The following SLC24A2 variants were observed in gnomAD, a reference collection of about 807,000 sequenced individuals.
SLC24A2 encodes sodium/potassium/calcium exchanger 2.
A neutral mutation model predicts 62.0 loss-of-function variants in SLC24A2; 36 were observed. The observed-to-expected ratio is 0.58, with a 90% CI of 0.44 to 0.77. The LOEUF is 0.77. Among genes scored for constraint, SLC24A2 ranks in the 30% least tolerant of loss-of-function variants. SLC24A2 has a pLI of 0.00. For missense variants in SLC24A2, 846 were observed against 817.9 expected (o/e 1.03, Z -0.42); for synonymous variants, 358 against 294.0 (o/e 1.22, Z -2.23).
chr9:19,959,315 TTCAA>T, the SLC24A2 span, among the ~76,000 whole-genome samples: 2 of 152,178 alleles, frequency 1.3e-5, no homozygotes, highest in Non-Finnish European at 2.9e-5. Context: ...TTCAATCAGA[TTCAA>T]TCAATCAGAT....
the SLC24A2 span, among the ~76,000 whole-genome samples, chr9:19,903,626 G>A: frequency 1.3e-5 from 2 of 152,168 alleles, no homozygotes; most frequent in Admixed American, 1.3e-4. Context: ...AGCACTTTAT[G>A]ATCCTCAGTT....
chr9:20,231,052 C>G, the SLC24A2 span, among the ~76,000 whole-genome samples: 21,648 of 151,450 alleles, frequency 0.14, 1,749 homozygotes, highest in East Asian at 0.22. Flanking sequence ...GTAGATATGC[C>G]GCATTATTTC....
the SLC24A2 span, among the ~76,000 whole-genome samples, chr9:19,906,977 G>T: frequency 2.0e-5 from 3 of 152,280 alleles, no homozygotes; most frequent in East Asian, 3.9e-4. Context: ...CTCATTTTAT[G>T]AGGCCAGCAT....
chr9:19,593,691 A>G (rs927094582), intron 5 of SLC24A2, among the ~76,000 whole-genome samples: 2 of 152,106 alleles, frequency 1.3e-5, no homozygotes, highest in African/African-American at 4.8e-5. Context: ...GCTGTAGCCA[A>G]TTCCATCTGC....
intron 7 of SLC24A2, among the ~76,000 whole-genome samples, chr9:19,571,310 T>A (rs1032328426): frequency 1.3e-5 from 2 of 152,216 alleles, no homozygotes; most frequent in Non-Finnish European, 2.9e-5. Context: ...AGTGGCAGGC[T>A]CCTTATTCTT....
At chr9:19,906,180 A>C in the SLC24A2 span, among the ~76,000 whole-genome samples, 1 of 152,238 alleles carries the variant, frequency 6.6e-6, no homozygotes, top group Admixed American at 6.5e-5. Context: ...AACTCAGTCA[A>C]AAACACTCAA....
At chr9:19,615,982 A>T (rs1817756492) in intron 4 of SLC24A2, among the ~76,000 whole-genome samples, 1 of 145,088 alleles carries the variant, frequency 6.9e-6, no homozygotes, top group Non-Finnish European at 1.5e-5. Context: ...ACATGACCAC[A>T]TTCACAGGCG....
the SLC24A2 span, among the ~76,000 whole-genome samples, chr9:19,956,615 G>C: frequency 2.0e-5 from 3 of 152,192 alleles, no homozygotes; most frequent in Non-Finnish European, 4.4e-5. Context: ...GCAGGCAAGA[G>C]AGAGAGCTTG....
chr9:19,621,049 C>G (rs1817896452), intron 3 of SLC24A2, among the ~76,000 whole-genome samples: 1 of 152,212 alleles, frequency 6.6e-6, no homozygotes, highest in African/African-American at 2.4e-5. Context: ...ATCATTAGAC[C>G]ACTAAGTCTA....
the SLC24A2 span, among the ~76,000 whole-genome samples, chr9:20,271,444 G>T: frequency 6.6e-6 from 1 of 151,772 alleles, no homozygotes; most frequent in Non-Finnish European, 1.5e-5. Flanking sequence ...TGCTGCTGCT[G>T]CTTTCTTTTA....
the SLC24A2 span, among the ~76,000 whole-genome samples, chr9:19,991,516 C>T: frequency 2.8e-4 from 42 of 152,288 alleles, no homozygotes; most frequent in Middle Eastern, 6.8e-3. Context: ...TACTTTGCAT[C>T]CTTCAATCCA....
At chr9:19,606,167 G>T (rs1836978357) in intron 4 of SLC24A2, among the ~76,000 whole-genome samples, 1 of 152,102 alleles carries the variant, frequency 6.6e-6, no homozygotes, top group Admixed American at 6.6e-5. Flanking sequence ...AGGAAACCTT[G>T]CATGACCTGC....
At chr9:20,286,930 G>C in the SLC24A2 span, among the ~76,000 whole-genome samples, 8 of 152,138 alleles carry the variant, frequency 5.3e-5, no homozygotes, top group Non-Finnish European at 1.2e-4. Context: ...AGAATGTTAT[G>C]ATTATAAGGA....
At chr9:19,679,493 T>C (rs953901104) in intron 2 of SLC24A2, among the ~76,000 whole-genome samples, 8 of 152,120 alleles carry the variant, frequency 5.3e-5, no homozygotes, top group Admixed American at 2.0e-4. Flanking sequence ...TGGTAAAACA[T>C]TTCTGGGTGT....
At chr9:20,256,744 C>A in the SLC24A2 span, among the ~76,000 whole-genome samples, 2 of 152,132 alleles carry the variant, frequency 1.3e-5, no homozygotes, top group Non-Finnish European at 2.9e-5. Context: ...GGAGATGATT[C>A]ATCTACCATA....
At chr9:19,979,085 G>A in the SLC24A2 span, among the ~76,000 whole-genome samples, 115 of 152,284 alleles carry the variant, frequency 7.6e-4, 2 homozygotes, top group Middle Eastern at 3.4e-3. Flanking sequence ...ATAAAATAAC[G>A]AGCCCAGTGA....
At chr9:20,038,498 G>C in the SLC24A2 span, among the ~76,000 whole-genome samples, 1 of 152,092 alleles carries the variant, frequency 6.6e-6, no homozygotes, top group African/African-American at 2.4e-5. Context: ...CTCTGCAGGT[G>C]ACCCTACGAA....
chr9:19,935,345 C>A, the SLC24A2 span, among the ~76,000 whole-genome samples: 5 of 152,012 alleles, frequency 3.3e-5, no homozygotes, highest in Non-Finnish European at 7.4e-5. Context: ...GGCACAAAGT[C>A]CTTGCTGCTG....
chr9:20,075,726 C>T, the SLC24A2 span, among the ~76,000 whole-genome samples: 104 of 152,310 alleles, frequency 6.8e-4, no homozygotes, highest in Admixed American at 4.8e-3. Flanking sequence ...ACTACTGCAT[C>T]CCCAAATATT....
Sources: allele counts gnomAD v4.1 joint callset (sites outside exome capture counted in the v4.1 genomes callset), GRCh38; gene constraint gnomAD v4.1.1; transcripts MANE v1.5; gene names NCBI Gene and HGNC (gene_info 2026-07-23, HGNC 2026-07-21).